Variants in RYR3 observed in about 807,000 individuals in gnomAD.
The protein encoded by RYR3 is brain ryanodine receptor-calcium release channel.
A neutral mutation model predicts 584.3 loss-of-function variants in RYR3; 207 were observed. The ratio of observed to expected loss-of-function variants is 0.35; its 90% CI spans 0.32 to 0.40. RYR3 has a LOEUF of 0.40. Among genes scored for constraint, RYR3 ranks in the 10% least tolerant of loss-of-function variants. The probability of loss-of-function intolerance (pLI) is 1.00; values close to 1 mark genes in which losing one functional copy is unlikely to be tolerated. For missense variants in RYR3, 5,616 were observed against 6,089.2 expected (o/e 0.92, Z 2.59); for synonymous variants, 2,416 against 2,248.5 (o/e 1.07, Z -2.11).
Position 33,584,391 on chromosome 15 carries a change from G to T in RYR3, c.1574-4G>T. 1 of 1,562,068 alleles carries T rather than the reference G, an allele frequency of 6.4e-7. No homozygotes were observed. The highest frequency in any genetic ancestry group is 8.8e-7 in the Non-Finnish European group (1 of 1,136,004). On this transcript the variant is annotated splice_region_variant and splice_polypyrimidine_tract_variant and intron_variant, in intron 14 of 103. Coordinates refer to ENST00000634891, the MANE Select transcript of RYR3 (RefSeq NM_001036.6). Reference sequence around the variant, plus strand: ...TCTATGATCAAACATCTCCTTGTTTGCAGCTGCTCTCATTCGCGGAAACAG... The same window carrying T: ...TCTATGATCAAACATCTCCTTGTTTTCAGCTGCTCTCATTCGCGGAAACAG...
intron 86 of RYR3, among the ~76,000 whole-genome samples, chr15:33,831,839 A>G (rs996727105): frequency 6.6e-6 from 1 of 152,158 alleles, no homozygotes; most frequent in Non-Finnish European, 1.5e-5. Context: ...CATAATCAGG[A>G]GACTCATGAA....
At chr15:33,379,687 C>CTCTCTCTCTCTCTCTCTATATATA in intron 1 of RYR3, among the ~76,000 whole-genome samples, 44 of 125,504 alleles carry the variant, frequency 3.5e-4, no homozygotes, top group African/African-American at 1.5e-3. Context: ...CTCTCTCTCT[C>CTCTCTCTCTCTCTCTCTATATATA]TATATATATA....
chr15:33,628,658 T>C, intron 21 of RYR3, 83 bp downstream of exon 21: 1 of 835,770 alleles, frequency 1.2e-6, no homozygotes, highest in Non-Finnish European at 2.0e-6. Context: ...ATGCCTAGTT[T>C]TCATTGCATT....
intron 16 of RYR3, among the ~76,000 whole-genome samples, chr15:33,590,094 G>A (rs1262349016): frequency 1.3e-5 from 2 of 152,190 alleles, no homozygotes; most frequent in Non-Finnish European, 2.9e-5. Context: ...GGGCAGGGGC[G>A]GGGGTCACAA....
At chr15:33,848,826 C>CTTTTTTTTT (rs769204969) in intron 94 of RYR3, among the ~76,000 whole-genome samples, 2 of 75,252 alleles carry the variant, frequency 2.7e-5, no homozygotes, top group South Asian at 6.0e-4. Flanking sequence ...CTGAAGTCCT[C>CTTTTTTTTT]TTTTTTTTTT....
At chr15:33,674,246 A>G (rs1466682557) in intron 38 of RYR3, among the ~76,000 whole-genome samples, 1 of 152,230 alleles carries the variant, frequency 6.6e-6, no homozygotes, top group Non-Finnish European at 1.5e-5. Flanking sequence ...AAATACGCAC[A>G]TGCAAAGTGA....
At chr15:33,589,568 A>G (rs971219771) in intron 16 of RYR3, among the ~76,000 whole-genome samples, 7 of 152,014 alleles carry the variant, frequency 4.6e-5, no homozygotes, top group African/African-American at 1.4e-4. Flanking sequence ...CCCTAGATTT[A>G]CTTCTAGGAT....
chr15:33,731,257 G>T (rs1472632791), intron 47 of RYR3, among the ~76,000 whole-genome samples: 7 of 147,578 alleles, frequency 4.7e-5, no homozygotes, highest in African/African-American at 1.7e-4. Flanking sequence ...TTTTTTGTGT[G>T]TTTTTTTTTT....
chr15:33,744,025 T>C (rs1288877327), intron 52 of RYR3, among the ~76,000 whole-genome samples: 1 of 152,184 alleles, frequency 6.6e-6, no homozygotes, highest in Non-Finnish European at 1.5e-5. Flanking sequence ...CTTTGCCCTC[T>C]GCCCTCCAGC....
At chr15:33,462,621 A>G (rs755334025) in intron 1 of RYR3, among the ~76,000 whole-genome samples, 2 of 152,212 alleles carry the variant, frequency 1.3e-5, no homozygotes, top group Non-Finnish European at 1.5e-5. Context: ...AGGAAGATAA[A>G]TTGACTTAAA....
At chr15:33,510,593 AT>A (rs10543732) in intron 3 of RYR3, among the ~76,000 whole-genome samples, 9,675 of 140,592 alleles carry the variant, frequency 0.069, 399 homozygotes, top group African/African-American at 0.14. Flanking sequence ...CATAATTTTA[AT>A]TTTTTTTTTT....
intron 1 of RYR3, among the ~76,000 whole-genome samples, chr15:33,361,799 C>A (rs1300727605): frequency 1.3e-5 from 2 of 152,184 alleles, no homozygotes; most frequent in African/African-American, 4.8e-5. Context: ...AACACAGATT[C>A]CCACAACCTA....
intron 1 of RYR3, among the ~76,000 whole-genome samples, chr15:33,347,766 AC>A (rs1972657459): frequency 6.6e-6 from 1 of 152,016 alleles, no homozygotes; most frequent in African/African-American, 2.4e-5. Flanking sequence ...CATCAATTAA[AC>A]AAAATTTGCT....
At chr15:33,467,462 G>A (rs1293891972) in intron 1 of RYR3, 1 of 984,728 alleles carries the variant, frequency 1.0e-6, no homozygotes, top group Non-Finnish European at 1.2e-6. Context: ...GCTCTCTATT[G>A]TTCTGGCCCT....
rs532773422 is a variant in RYR3 at position 33,399,627 on chromosome 15, G to A, written c.52-73792G>A. Among the ~76,000 whole-genome samples, 41 of 152,242 alleles carry A rather than the reference G, an allele frequency of 2.7e-4. 1 individual carries two copies. In the South Asian group the frequency reaches 8.5e-3, roughly 32 times the overall value. ...CACTCCAGCCTGGGCGACAGAGTAAGACTCCGTTTCAAAAATAAAAAAGGA... is the reference window on the plus strand; with the variant it reads ...CACTCCAGCCTGGGCGACAGAGTAAAACTCCGTTTCAAAAATAAAAAAGGA... On this transcript the variant is annotated intron_variant, in intron 1 of 103. Coordinates refer to ENST00000634891, the MANE Select transcript of RYR3 (RefSeq NM_001036.6).
chr15:33,499,287 C>A (rs1238480920), intron 2 of RYR3, among the ~76,000 whole-genome samples: 1 of 151,368 alleles, frequency 6.6e-6, no homozygotes, highest in Non-Finnish European at 1.5e-5. Flanking sequence ...TCCTTTTCTC[C>A]CCATCTCTCC....
chr15:33,833,306 T>C lies in RYR3; in HGVS notation c.11464-1662T>C, dbSNP rs146954873. 5.9e-3 allele frequency among the ~76,000 whole-genome samples: 903 copies of C among 152,316 alleles called. 12 individuals carry two copies. The highest frequency in any genetic ancestry group is 0.021 in the African/African-American group (867 of 41,570). On this transcript the variant is annotated intron_variant, in intron 86 of 103. Coordinates refer to ENST00000634891, the MANE Select transcript of RYR3 (RefSeq NM_001036.6). ...GTTTTTAGTGACTTTTTTTTGTTTTTACTGGTAATATGACTGAGCCAAAAC... is the reference window on the plus strand; with the variant it reads ...GTTTTTAGTGACTTTTTTTTGTTTTCACTGGTAATATGACTGAGCCAAAAC...
At chr15:33,566,961 A>G (rs1368552079) in intron 12 of RYR3, among the ~76,000 whole-genome samples, 162 bp downstream of exon 12, 2 of 152,232 alleles carry the variant, frequency 1.3e-5, no homozygotes, top group Admixed American at 6.5e-5. Flanking sequence ...TATTTCCTAC[A>G]TAGGCGAACT....
chr15:33,342,851 C>T (rs1049825946), intron 1 of RYR3, among the ~76,000 whole-genome samples: 1 of 152,124 alleles, frequency 6.6e-6, no homozygotes, highest in East Asian at 1.9e-4. Context: ...AAGTTTTATT[C>T]GAACTGTGTC....
Sources: gnomAD v4.1 joint callset for allele counts (sites outside exome capture counted in the v4.1 genomes callset) on GRCh38, gnomAD v4.1.1 for gene constraint, MANE v1.5 for transcripts, NCBI Gene and HGNC (gene_info 2026-07-23, HGNC 2026-07-21) for gene names.